BCKDHA: variants seen among roughly 807,000 people sequenced by gnomAD.
BCKDHA encodes 2-oxoisovalerate dehydrogenase subunit alpha, mitochondrial.
Under a neutral mutation model 52.2 loss-of-function variants are expected in BCKDHA, and 43 were observed. The ratio of observed to expected loss-of-function variants is 0.82; its 90% CI spans 0.64 to 1.06. BCKDHA has a LOEUF of 1.06. Ranked by LOEUF, BCKDHA falls within the 50% of genes least tolerant of loss-of-function variation. BCKDHA has a pLI of 0.00. For missense variants in BCKDHA, 527 were observed against 621.3 expected, an observed-to-expected ratio of 0.85 and a Z score of 1.61; for synonymous variants, 234 against 247.9, an observed-to-expected ratio of 0.94 and a Z score of 0.53.
chr19:41,421,899 G>A (rs2039369943), intron 5 of BCKDHA, among the ~76,000 whole-genome samples: 1 of 152,116 alleles, frequency 6.6e-6, no homozygotes, highest in African/African-American at 2.4e-5. Flanking sequence ...GAGTAGATGT[G>A]GAGAATGGCG....
intron 5 of BCKDHA, among the ~76,000 whole-genome samples, chr19:41,420,570 G>A (rs533401013): frequency 6.7e-6 from 1 of 148,272 alleles, no homozygotes; most frequent in African/African-American, 2.5e-5. Flanking sequence ...TTGCACTCTA[G>A]CCAAAGTGAG....
intron 4 of BCKDHA, among the ~76,000 whole-genome samples, chr19:41,417,920 C>CA (rs72299612): frequency 8.0e-4 from 103 of 128,932 alleles, no homozygotes; most frequent in Middle Eastern, 3.9e-3. Flanking sequence ...AACTCCGTCT[C>CA]AAAAAAAAAA....
intron 5 of BCKDHA, 38 bp downstream of exon 5, chr19:41,419,334 C>G: frequency 1.3e-6 from 2 of 1,587,560 alleles, no homozygotes; most frequent in Non-Finnish European, 1.7e-6. Flanking sequence ...CATGTGCAGA[C>G]CAATGTCACA....
chr19:41,406,184 GCTGCA>G (rs1356960502), intron 1 of BCKDHA, among the ~76,000 whole-genome samples: 2 of 152,126 alleles, frequency 1.3e-5, no homozygotes, highest in Non-Finnish European at 2.9e-5. Flanking sequence ...CCGAGACCCA[GCTGCA>G]GTATGTGGAG....
chr19:41,412,081 C>T (rs896586540), intron 3 of BCKDHA, among the ~76,000 whole-genome samples: 1 of 152,180 alleles, frequency 6.6e-6, no homozygotes, highest in Non-Finnish European at 1.5e-5. Context: ...TTACACATGG[C>T]CCTGTGTGAT....
In BCKDHA at chr19:41,424,597, T is replaced by G; in HGVS notation, c.1327T>G (p.Phe443Val). Reference protein sequence around the residue: ...TYGEHYPLDHFDK With the variant: ...TYGEHYPLDHVDK Reference sequence around the variant, plus strand: ...CGGGGAGCACTACCCACTGGATCACTTCGATAAGTGAGACCTGCTCAGCCC... The same window carrying G: ...CGGGGAGCACTACCCACTGGATCACGTCGATAAGTGAGACCTGCTCAGCCC... Residue 443 changes from phenylalanine to valine, a missense_variant, in exon 9 of 9, where the codon TTC (phenylalanine) becomes GTC (valine). Physicochemically the swap from Phe to Val is conservative, Grantham distance 50. Transcript: ENST00000269980. 6.2e-7 allele frequency: 1 copy of G among 1,604,778 alleles called. No individual in the cohort carries two copies. Among genetic ancestry groups the G allele is most frequent in the East Asian group, 2.2e-5 (1 of 44,738 alleles).
intron 1 of BCKDHA, chr19:41,399,439 C>T (rs1334955309): frequency 6.8e-6 from 1 of 147,798 alleles, no homozygotes; most frequent in African/African-American, 2.5e-5. Flanking sequence ...AGGACTGGGG[C>T]AGGCTAGGGA....
chr19:41,422,360 C>G lies in BCKDHA; in HGVS notation c.843C>G (p.Gly281=). 11 of 1,614,188 alleles carry G rather than the reference C, an allele frequency of 6.8e-6. No individual in the cohort carries two copies. The highest frequency in any genetic ancestry group is 8.5e-6 in the Non-Finnish European group (10 of 1,180,020). The change falls in exon 6 of 9, where the codon GGC becomes GGG. Residue 281 remains glycine, a synonymous_variant. Transcript: ENST00000269980. ...ISTPTSEQYR[G]DGIAARGPGY... is the part of the protein sequence containing the mutation. ...CGCCCACCTCTGAGCAGTATCGCGGCGATGGCATTGGTATGGGCTCTGCTG... is the reference window on the plus strand; with the variant it reads ...CGCCCACCTCTGAGCAGTATCGCGGGGATGGCATTGGTATGGGCTCTGCTG...
rs766174938 is a variant in BCKDHA, at chr19:41,397,874, G to A, written c.47G>A (p.Gly16Asp). 3.7e-6 allele frequency: 6 copies of A among 1,614,066 alleles called. No homozygotes were observed. The highest frequency in any genetic ancestry group is 1.7e-5 in the Admixed American group (1 of 59,992). ...AAARVWRLNR[G>D]LSQAALLLLR... The stretch of plus-strand genomic sequence containing the variant: ...GCGAGGGTCTGGCGGCTAAACCGTG[G>A]TTTGAGCCAGGCTGCCCTCCTGCTG... The change falls in exon 1 of 9, where the codon GGT (glycine) becomes GAT (aspartate). Residue 16 changes from glycine to aspartate, a missense_variant. Gly to Asp is a moderately conservative substitution (Grantham distance 94). Transcript: ENST00000269980.
chr19:41,412,849 G>A (rs1051753099), intron 3 of BCKDHA, among the ~76,000 whole-genome samples: 201 of 151,832 alleles, frequency 1.3e-3, no homozygotes, highest in African/African-American at 4.6e-3. Context: ...GATTACAGGC[G>A]CCCACCACCA....
rs1476060196 is a variant in BCKDHA, at chr19:41,410,717, T to G, written c.189T>G (p.Asp63Glu). ...CAGGGGCCTCGGCGGAGTTTATAGATAAGTTGGAATTCATCCAGCCCAACG... is the reference window on the plus strand; with the variant it reads ...CAGGGGCCTCGGCGGAGTTTATAGAGAAGTTGGAATTCATCCAGCCCAACG... ...QFPGASAEFI[D>E]KLEFIQPNVI... Residue 63 changes from aspartate (D) to glutamate (E), a missense_variant, in exon 2 of 9, where the codon GAT becomes GAG. Physicochemically the swap from Asp to Glu is conservative, Grantham distance 45. Coordinates refer to ENST00000269980, the MANE Select transcript of BCKDHA (RefSeq NM_000709.4). 6.2e-7 allele frequency: 1 copy of G among 1,614,098 alleles called. No individual in the cohort carries two copies. Among genetic ancestry groups the G allele is most frequent in the Non-Finnish European group, 8.5e-7 (1 of 1,180,024 alleles).
intron 3 of BCKDHA, among the ~76,000 whole-genome samples, chr19:41,413,628 C>A (rs2039279355): frequency 6.6e-6 from 1 of 152,198 alleles, no homozygotes; most frequent in African/African-American, 2.4e-5. Context: ...CCACTATTCT[C>A]AGAGTAAAAT....
Position 41,410,808 on chromosome 19 carries a change from G to A in BCKDHA, c.280G>A (p.Asp94Asn). 2 of 1,614,088 alleles carry A rather than the reference G, an allele frequency of 1.2e-6. No homozygotes were observed. Among genetic ancestry groups the A allele is most frequent in the Non-Finnish European group, 8.5e-7 (1 of 1,180,018 alleles). The change falls in exon 2 of 9, where the codon GAC becomes AAC. Residue 94 changes from aspartate (D) to asparagine (N), a missense_variant. Asp to Asn is a conservative substitution (Grantham distance 23). Transcript: ENST00000269980. ...RQGQIINPSE[D>N]PHLPKEKVLK... The stretch of plus-strand genomic sequence containing the variant: ...AGGCCAGATCATCAACCCCAGCGAG[G>A]ACCCCCACGTGAGAGGCGGCCTCCC...
Position 41,397,892 on chromosome 19 carries a change from T to G in BCKDHA, c.65T>G (p.Leu22Arg). The change falls in exon 1 of 9, where the codon CTC becomes CGC. Residue 22 changes from leucine (L) to arginine (R), a missense_variant. By Grantham distance (102) the Leu-to-Arg change is moderately radical. Coordinates refer to ENST00000269980, the MANE Select transcript of BCKDHA (RefSeq NM_000709.4). ...RLNRGLSQAA[L>R]LLLRQPGARG... is the part of the protein sequence containing the mutation. ...AACCGTGGTTTGAGCCAGGCTGCCC[T>G]CCTGCTGCTGCGGCAGCCTGGGGCT... 6.2e-7 allele frequency: 1 copy of G among 1,614,070 alleles called. No homozygotes were observed. Among genetic ancestry groups the G allele is most frequent in the Non-Finnish European group, 8.5e-7 (1 of 1,180,014 alleles).
chr19:41,407,493 T>G (rs950160581), intron 1 of BCKDHA, among the ~76,000 whole-genome samples: 3 of 152,108 alleles, frequency 2.0e-5, no homozygotes, highest in Admixed American at 6.6e-5. Flanking sequence ...ATCTTCTAGG[T>G]CAGTGTCTGG....
At position 41,397,922 on chromosome 19, in the gene BCKDHA, G is replaced by T. The variant is rs1298486161; in HGVS notation, c.95G>T (p.Gly32Val). 2 of 1,613,986 alleles carry T rather than the reference G, an allele frequency of 1.2e-6. No individual in the cohort carries two copies. Among genetic ancestry groups the T allele is most frequent in the East Asian group, 2.2e-5 (1 of 44,870 alleles). The change falls in exon 1 of 9, where the codon GGA (glycine) becomes GTA (valine). Residue 32 changes from glycine to valine, a missense_variant. Gly to Val is a moderately radical substitution (Grantham distance 109). Transcript: ENST00000269980. ...LLLLRQPGAR[G>V]LARSHPPRQQ... ...CTGCTGCGGCAGCCTGGGGCTCGGG[G>T]ACTGGCTAGATCTGTGAGTACCTGG...
chr19:41,403,778 G>A (rs1298679343), intron 1 of BCKDHA, among the ~76,000 whole-genome samples: 1 of 152,164 alleles, frequency 6.6e-6, no homozygotes, highest in Non-Finnish European at 1.5e-5. Flanking sequence ...ACGAGGGCAC[G>A]CAGGTTCACA....
Position 41,422,991 on chromosome 19 carries a change from T to G in BCKDHA, c.996-7T>G, listed in dbSNP as rs2039386667. On this transcript the variant is annotated splice_polypyrimidine_tract_variant and splice_region_variant and intron_variant, in intron 7 of 8. Coordinates refer to ENST00000269980, the MANE Select transcript of BCKDHA (RefSeq NM_000709.4). The stretch of plus-strand genomic sequence containing the variant: ...ACACTGACCTGGGGCCCCTTGCCCC[T>G]GTGCAGGATCGGGCACCACAGCACC... 6.2e-7 allele frequency: 1 copy of G among 1,607,900 alleles called. No individual in the cohort carries two copies. Among genetic ancestry groups the G allele is most frequent in the Non-Finnish European group, 8.5e-7 (1 of 1,177,426 alleles).
chr19:41,418,690 C>A (rs1368851191), intron 4 of BCKDHA: 1 of 447,484 alleles, frequency 2.2e-6, no homozygotes. Context: ...ATCACCATGC[C>A]TGGCTAATGT....
Sources: allele counts gnomAD v4.1 joint callset (sites outside exome capture counted in the v4.1 genomes callset), GRCh38; gene constraint gnomAD v4.1.1; transcripts MANE v1.5; gene names NCBI Gene and HGNC (gene_info 2026-07-23, HGNC 2026-07-21).